The following ADAM32 variants were observed in gnomAD, a reference collection of about 807,000 sequenced individuals.
The protein encoded by ADAM32 is ADAM metallopeptidase domain 32, also known as disintegrin and metalloproteinase domain-containing protein 32.
A neutral mutation model predicts 114.9 loss-of-function variants in ADAM32; 89 were observed. The observed-to-expected ratio is 0.77, with a 90% confidence interval of 0.65 to 0.92. The LOEUF (loss-of-function observed/expected upper bound fraction) is 0.92. ADAM32 is among the 40% of genes least tolerant of loss of function. The pLI, the probability that ADAM32 is intolerant of heterozygous loss-of-function variation, is 0.00. For synonymous variants in ADAM32, 285 were observed against 307.5 expected, an observed-to-expected ratio of 0.93 and a Z score of 0.77; for missense variants, 870 against 932.8, an observed-to-expected ratio of 0.93 and a Z score of 0.88.
At chr8:39,157,824 G>T (rs762126262) in intron 6 of ADAM32, 19 of 833,638 alleles carry the variant, frequency 2.3e-5, no homozygotes, top group Non-Finnish European at 3.6e-5. Flanking sequence ...GTTATAGTCA[G>T]TGGAGGCACT....
chr8:39,220,847 A>C (rs1033660431), intron 12 of ADAM32: 1 of 151,808 alleles, frequency 6.6e-6, no homozygotes, highest in African/African-American at 2.4e-5. Flanking sequence ...GTCTATTCTG[A>C]AGAATGTTTC....
chr8:39,196,736 A>G (rs1807027808), intron 11 of ADAM32, among the ~76,000 whole-genome samples: 4 of 152,092 alleles, frequency 2.6e-5, no homozygotes, highest in Admixed American at 1.3e-4. Context: ...GATTAGGTTT[A>G]CTAATACGTT....
At chr8:39,122,370 C>T (rs1322781110) in intron 2 of ADAM32, among the ~76,000 whole-genome samples, 1 of 152,064 alleles carries the variant, frequency 6.6e-6, no homozygotes, top group African/African-American at 2.4e-5. Context: ...TGACCTTAAT[C>T]TGATTGGACT....
At chr8:39,111,859 A>G (rs185121040) in intron 1 of ADAM32, among the ~76,000 whole-genome samples, 3 of 152,106 alleles carry the variant, frequency 2.0e-5, no homozygotes, top group Admixed American at 2.0e-4. Context: ...TGTAAAAGCT[A>G]TGATACCTGC....
At chr8:39,246,816 A>C (rs1312566760) in intron 17 of ADAM32, among the ~76,000 whole-genome samples, 1 of 152,152 alleles carries the variant, frequency 6.6e-6, no homozygotes, top group Non-Finnish European at 1.5e-5. Context: ...TACAGAGAGT[A>C]TTTTCATTAC....
chr8:39,284,022 C>T (rs544522629), intron 24 of ADAM32, among the ~76,000 whole-genome samples: 1 of 152,286 alleles, frequency 6.6e-6, no homozygotes, highest in South Asian at 2.1e-4. Context: ...GATCTGCCCC[C>T]CTCAGCCTCC....
At chr8:39,266,449 T>A (rs74878870) in intron 19 of ADAM32, among the ~76,000 whole-genome samples, 7,245 of 152,274 alleles carry the variant, frequency 0.048, 603 homozygotes, top group African/African-American at 0.17. Context: ...CATGGTCTAT[T>A]CTGTTATAAT....
At chr8:39,191,630 T>A (rs977270502) in intron 11 of ADAM32, among the ~76,000 whole-genome samples, 3 of 152,204 alleles carry the variant, frequency 2.0e-5, no homozygotes, top group African/African-American at 7.2e-5. Context: ...TTTAGGTTCC[T>A]TATAGATGCT....
chr8:39,111,735 A>G (rs1355346180), intron 1 of ADAM32, among the ~76,000 whole-genome samples: 3 of 151,440 alleles, frequency 2.0e-5, no homozygotes, highest in Non-Finnish European at 4.4e-5. Flanking sequence ...AAAAAAAAAA[A>G]AAAAAAAGGA....
At chr8:39,166,214 C>G (rs375410212) in intron 9 of ADAM32, 3 of 152,168 alleles carry the variant, frequency 2.0e-5, no homozygotes, top group East Asian at 3.8e-4. Context: ...CTCTTCCCCC[C>G]AGTCCCCACA....
rs555195504 is a variant in ADAM32, at chr8:39,114,517, A to T, written c.59-3569A>T. Reference sequence around the variant, plus strand: ...CTGCTCATCTAGTTCATTCCTAGGGACTCTGTGATCAGTTAGATACTACCA... The same window carrying T: ...CTGCTCATCTAGTTCATTCCTAGGGTCTCTGTGATCAGTTAGATACTACCA... On this transcript the variant is annotated intron_variant, in intron 1 of 24. Transcript: ENST00000379907. Among the ~76,000 whole-genome samples the T allele has an allele frequency of 1.3e-5, 2 of 152,030 alleles. 1 individual carries two copies. Among genetic ancestry groups the T allele is most frequent in the South Asian group, 4.2e-4 (2 of 4,784 alleles).
In ADAM32 at chr8:39,254,482, C is replaced by G; in HGVS notation, c.1971C>G (p.Ser657=). The part of the protein sequence containing the change: ...GYKPPNCQIR[S]KGFSIFPEED... Reference sequence around the variant, plus strand: ...AGCCTCCAAACTGCCAAATACGTTCCAAAGGATTTTCCATATTTCCTGAGG... The same window carrying G: ...AGCCTCCAAACTGCCAAATACGTTCGAAAGGATTTTCCATATTTCCTGAGG... The change falls in exon 18 of 25, where the codon TCC becomes TCG. Residue 657 remains serine, a synonymous_variant. Transcript: ENST00000379907. The G allele has an allele frequency of 1.9e-6, 3 of 1,595,180 alleles. No homozygotes were observed. Among genetic ancestry groups the G allele is most frequent in the Non-Finnish European group, 2.6e-6 (3 of 1,170,032 alleles).
At chr8:39,154,292 T>C (rs1804014081) in intron 6 of ADAM32, among the ~76,000 whole-genome samples, 1 of 151,920 alleles carries the variant, frequency 6.6e-6, no homozygotes, top group African/African-American at 2.4e-5. Flanking sequence ...ATGTGGTGTG[T>C]GGTTTTCTGT....
chr8:39,247,876 A>T (rs560655594), intron 17 of ADAM32, among the ~76,000 whole-genome samples: 2 of 150,192 alleles, frequency 1.3e-5, no homozygotes, highest in African/African-American at 2.5e-5. Flanking sequence ...TTGAAGGGTG[A>T]TAAGTTTGTG....
chr8:39,166,174 G>A (rs1804824165), intron 9 of ADAM32: 1 of 152,042 alleles, frequency 6.6e-6, no homozygotes, highest in Admixed American at 6.6e-5. Context: ...CACCATATTT[G>A]TAGTCTTTTA....
At chr8:39,141,384 A>T (rs1803144166) in intron 3 of ADAM32, among the ~76,000 whole-genome samples, 1 of 152,060 alleles carries the variant, frequency 6.6e-6, no homozygotes, top group Non-Finnish European at 1.5e-5. Flanking sequence ...ATTCTGGTAC[A>T]TTGTGTCTTT....
intron 19 of ADAM32, among the ~76,000 whole-genome samples, chr8:39,265,710 G>A (rs1237664383): frequency 1.3e-5 from 2 of 152,046 alleles, no homozygotes; most frequent in African/African-American, 2.4e-5. Flanking sequence ...GTGGTGGCAG[G>A]TAGCTGGTTG....
At chr8:39,129,496 G>A (rs1289039001) in intron 2 of ADAM32, among the ~76,000 whole-genome samples, 1 of 152,030 alleles carries the variant, frequency 6.6e-6, no homozygotes, top group Admixed American at 6.6e-5. Context: ...TTGATGTGGT[G>A]TACCATATGA....
intron 1 of ADAM32, among the ~76,000 whole-genome samples, chr8:39,115,230 A>C (rs1016933952): frequency 6.6e-6 from 1 of 152,188 alleles, no homozygotes; most frequent in East Asian, 1.9e-4. Flanking sequence ...TTGGGTATAT[A>C]CTCAGTAATG....
Sources: allele counts gnomAD v4.1 joint callset (sites outside exome capture counted in the v4.1 genomes callset), GRCh38; gene constraint gnomAD v4.1.1; transcripts MANE v1.5; gene names NCBI Gene and HGNC (gene_info 2026-07-23, HGNC 2026-07-21).